Variants in SNX13 observed in about 807,000 individuals in gnomAD.
SNX13 encodes the protein sorting nexin-13.
A neutral mutation model predicts 133.6 loss-of-function variants in SNX13; 45 were observed. The observed-to-expected ratio is 0.34, with a 90% CI of 0.27 to 0.43. SNX13 has a LOEUF of 0.43. Ranked by LOEUF, SNX13 falls within the 20% of genes least tolerant of loss-of-function variation. The probability of loss-of-function intolerance (pLI) is 1.00; values close to 1 mark genes in which losing one functional copy is unlikely to be tolerated. For synonymous variants in SNX13, 414 were observed against 373.9 expected, an observed-to-expected ratio of 1.11 and a Z score of -1.24; for missense variants, 1,032 against 1,145.1, an observed-to-expected ratio of 0.90 and a Z score of 1.43.
rs1304915219 is a variant in SNX13 at position 17,791,721 on chromosome 7, T to A, written c.*2324A>T. ...ATGCAATAAATGCATTAAATGTAAC[T>A]TTATTAAACATAGTACACTGTACTT... On this transcript the variant is annotated 3_prime_UTR_variant, in exon 26 of 26. Coordinates refer to ENST00000428135, the MANE Select transcript of SNX13 (RefSeq NM_015132.5). The A allele has an allele frequency of 1.3e-5, 2 of 152,246 alleles. No homozygotes were observed. The highest frequency in any genetic ancestry group is 1.9e-4 in the East Asian group (1 of 5,188). 9.4% of individuals were successfully genotyped at this position (152,246 alleles called of 1,614,324 possible). A position where few individuals can be genotyped will look rare whatever the true frequency, so the allele number is the denominator to read the frequency against.
intron 22 of SNX13, among the ~76,000 whole-genome samples, chr7:17,800,766 A>G (rs992268506): frequency 1.1e-4 from 16 of 151,708 alleles, no homozygotes; most frequent in Non-Finnish European, 1.9e-4. Context: ...AGGTCTTGAC[A>G]GACGCATAAG....
chr7:17,820,268 C>A (rs896856976), intron 18 of SNX13, among the ~76,000 whole-genome samples: 3 of 152,064 alleles, frequency 2.0e-5, no homozygotes, highest in Non-Finnish European at 2.9e-5. Flanking sequence ...AGAACTCTTA[C>A]CAACTCAAAT....
intron 15 of SNX13, chr7:17,831,703 G>T (rs1210247078): frequency 3.0e-6 from 3 of 983,860 alleles, no homozygotes; most frequent in Non-Finnish European, 3.6e-6. Context: ...ATGTCTAAAA[G>T]GTGGTCAAAA....
intron 1 of SNX13, among the ~76,000 whole-genome samples, chr7:17,930,930 TGA>T (rs1801322243): frequency 6.6e-6 from 1 of 152,164 alleles, no homozygotes; most frequent in Non-Finnish European, 1.5e-5. Context: ...TCATGCCTGA[TGA>T]TCTAAGGTGG....
At chr7:17,830,825 C>T (rs1788405056) in intron 15 of SNX13, 3 of 984,030 alleles carry the variant, frequency 3.0e-6, no homozygotes, top group Admixed American at 6.2e-5. Flanking sequence ...TATATGGTTT[C>T]GAGCACTTAA....
At chr7:17,796,178 G>A (rs1055315583) in intron 25 of SNX13, 1 of 151,640 alleles carries the variant, frequency 6.6e-6, no homozygotes, top group African/African-American at 2.4e-5. Flanking sequence ...TAACTTCTCT[G>A]ATTGAAAGAA....
intron 9 of SNX13, among the ~76,000 whole-genome samples, chr7:17,851,786 T>C (rs187022298): frequency 1.8e-3 from 270 of 152,004 alleles, no homozygotes; most frequent in Non-Finnish European, 3.3e-3. Context: ...AAGTGTGAGA[T>C]CCCATTAAAT....
chr7:17,927,406 C>A (rs1309605965), intron 1 of SNX13, among the ~76,000 whole-genome samples: 1 of 151,946 alleles, frequency 6.6e-6, no homozygotes, highest in Non-Finnish European at 1.5e-5. Context: ...CCATGCCTGG[C>A]TAATTTTTTA....
intron 20 of SNX13, among the ~76,000 whole-genome samples, chr7:17,813,725 T>C (rs1786324795): frequency 6.6e-6 from 1 of 151,922 alleles, no homozygotes; most frequent in Non-Finnish European, 1.5e-5. Context: ...TATCTGGGAC[T>C]ATAGGTGTGC....
At chr7:17,891,945 G>A (rs17138375) in intron 3 of SNX13, among the ~76,000 whole-genome samples, 3,211 of 152,182 alleles carry the variant, frequency 0.021, 126 homozygotes, top group African/African-American at 0.072. Context: ...AGTGTTTCAT[G>A]TGAGTCAAAC....
At chr7:17,830,196 C>T in intron 15 of SNX13, 149 bp from the exon 16 acceptor site, 1 of 1,179,938 alleles carries the variant, frequency 8.5e-7, no homozygotes, top group African/African-American at 1.6e-5. Context: ...TGTGGATACT[C>T]CCAAAAACTT....
At chr7:17,932,550 T>C (rs77154237) in intron 1 of SNX13, among the ~76,000 whole-genome samples, 10,487 of 152,328 alleles carry the variant, frequency 0.069, 497 homozygotes, top group South Asian at 0.15. Flanking sequence ...AGATATTTAG[T>C]GAGGCCTACT....
chr7:17,935,966 C>T (rs377602428), intron 1 of SNX13, among the ~76,000 whole-genome samples: 1 of 152,136 alleles, frequency 6.6e-6, no homozygotes, highest in South Asian at 2.1e-4. Context: ...ATGGGCAAGA[C>T]AACTGTGTGT....
At chr7:17,867,062 T>A (rs1310817756) in intron 9 of SNX13, among the ~76,000 whole-genome samples, 2 of 152,322 alleles carry the variant, frequency 1.3e-5, no homozygotes, top group Admixed American at 6.5e-5. Context: ...AATTTGATTA[T>A]CACTTTAAAA....
At chr7:17,884,791 A>G (rs1034861472) in intron 5 of SNX13, among the ~76,000 whole-genome samples, 47 of 152,238 alleles carry the variant, frequency 3.1e-4, no homozygotes, top group African/African-American at 1.0e-3. Flanking sequence ...ACTAGCTATC[A>G]GGGAAATGCA....
At chr7:17,923,828 G>C (rs1183930809) in intron 1 of SNX13, among the ~76,000 whole-genome samples, 1 of 152,066 alleles carries the variant, frequency 6.6e-6, no homozygotes, top group African/African-American at 2.4e-5. Context: ...CCACTACAAA[G>C]TACACTGGTT....
intron 20 of SNX13, among the ~76,000 whole-genome samples, chr7:17,814,368 C>G (rs896992558): frequency 1.3e-5 from 2 of 152,128 alleles, no homozygotes; most frequent in African/African-American, 4.8e-5. Flanking sequence ...CACTTATTTA[C>G]TGTCTTACCT....
Position 17,914,066 on chromosome 7 carries a change from T to C in SNX13, c.13-16620A>G, listed in dbSNP as rs756212752. On this transcript the variant is annotated intron_variant, in intron 1 of 25. Transcript: ENST00000428135. The stretch of plus-strand genomic sequence containing the variant: ...TTAAGAAAGAACCAAACAGAACGTC[T>C]GGAATTGAAAAATTTCAAAATACAG... Among the ~76,000 whole-genome samples the C allele has an allele frequency of 7.6e-4, 115 of 151,832 alleles. 1 individual carries two copies. Among genetic ancestry groups the C allele is most frequent in the Non-Finnish European group, 1.4e-3 (96 of 67,986 alleles).
intron 16 of SNX13, among the ~76,000 whole-genome samples, chr7:17,829,483 AGTTGC>A (rs1788244694): frequency 2.0e-5 from 3 of 151,500 alleles, no homozygotes; most frequent in African/African-American, 7.2e-5. Context: ...TTAAGGATGT[AGTTGC>A]TGTAAAACTG....
Sources: allele counts gnomAD v4.1 joint callset (sites outside exome capture counted in the v4.1 genomes callset), GRCh38; gene constraint gnomAD v4.1.1; transcripts MANE v1.5; gene names NCBI Gene and HGNC (gene_info 2026-07-23, HGNC 2026-07-21).